The following ZNF423 variants were observed in gnomAD, a reference collection of about 807,000 sequenced individuals.
The protein encoded by ZNF423 is zinc finger protein 423.
In ZNF423, 12 loss-of-function variants were observed where a neutral mutation model predicts 95.8. The observed-to-expected ratio is 0.13, with a 90% CI of 0.08 to 0.20. The LOEUF (loss-of-function observed/expected upper bound fraction) is 0.20. Ranked by LOEUF, ZNF423 falls within the 10% of genes least tolerant of loss-of-function variation. The probability of loss-of-function intolerance (pLI) is 1.00; values close to 1 mark genes in which losing one functional copy is unlikely to be tolerated. For missense variants in ZNF423, 1,316 were observed against 1,737.1 expected, an observed-to-expected ratio of 0.76 and a Z score of 4.31; for synonymous variants, 749 against 711.9, an observed-to-expected ratio of 1.05 and a Z score of -0.83.
At chr16:49,685,634 C>T (rs1454069658) in intron 3 of ZNF423, among the ~76,000 whole-genome samples, 3 of 152,176 alleles carry the variant, frequency 2.0e-5, no homozygotes, top group Non-Finnish European at 4.4e-5. Flanking sequence ...TAATCCATTT[C>T]CACACCTTGT....
At chr16:49,525,039 G>A (rs968066742) in intron 6 of ZNF423, among the ~76,000 whole-genome samples, 4 of 152,204 alleles carry the variant, frequency 2.6e-5, no homozygotes, top group Admixed American at 6.5e-5. Context: ...CACAGGGCCC[G>A]GGAGGGGAAA....
intron 5 of ZNF423, among the ~76,000 whole-genome samples, chr16:49,557,210 G>A (rs1356086791): frequency 6.6e-6 from 1 of 152,232 alleles, no homozygotes; most frequent in South Asian, 2.1e-4. Flanking sequence ...CGCCGCCATC[G>A]GAGAGTATTC....
intron 3 of ZNF423, among the ~76,000 whole-genome samples, chr16:49,727,438 C>T (rs895264706): frequency 6.7e-6 from 1 of 150,264 alleles, no homozygotes; most frequent in Non-Finnish European, 1.5e-5. Context: ...AACCTCACCA[C>T]AGCACTGTCC....
chr16:49,695,044 C>T (rs1282470144), intron 3 of ZNF423, among the ~76,000 whole-genome samples: 1 of 152,238 alleles, frequency 6.6e-6, no homozygotes, highest in East Asian at 1.9e-4. Flanking sequence ...CTTCCCCTCC[C>T]TGGGCTTCCA....
chr16:49,682,084 C>G (rs549467408), intron 3 of ZNF423, among the ~76,000 whole-genome samples: 54 of 151,524 alleles, frequency 3.6e-4, no homozygotes, highest in South Asian at 2.7e-3. Flanking sequence ...GTCTCCTGTT[C>G]CTCCTCCCCT....
chr16:49,757,853 C>T (rs911223350), intron 2 of ZNF423, among the ~76,000 whole-genome samples: 3 of 152,278 alleles, frequency 2.0e-5, no homozygotes, highest in East Asian at 1.9e-4. Flanking sequence ...GAAAGAATGA[C>T]GCACAGGATC....
At chr16:49,697,690 G>A (rs577188794) in intron 3 of ZNF423, among the ~76,000 whole-genome samples, 8 of 152,352 alleles carry the variant, frequency 5.3e-5, no homozygotes, top group Non-Finnish European at 1.0e-4. Flanking sequence ...ACCCTGGACC[G>A]TGCAGTGGGA....
chr16:49,711,964 A>C (rs995485124), intron 3 of ZNF423: 4 of 151,858 alleles, frequency 2.6e-5, no homozygotes, highest in African/African-American at 9.7e-5. Context: ...ATAAATAAAT[A>C]ATTTAAAAAT....
At chr16:49,719,194 C>T (rs897322359) in intron 3 of ZNF423, among the ~76,000 whole-genome samples, 12 of 152,150 alleles carry the variant, frequency 7.9e-5, no homozygotes, top group African/African-American at 2.2e-4. Flanking sequence ...TTGCTTTTCC[C>T]GCCCAGGGGT....
chr16:49,523,802 T>C (rs1597047477), intron 6 of ZNF423, 63 bp from the exon 7 acceptor site: 1 of 1,376,302 alleles, frequency 7.3e-7, no homozygotes, highest in Non-Finnish European at 1.0e-6. Context: ...CTGTGGCAGC[T>C]GCCCCCACAA....
At chr16:49,749,697 G>A (rs902167988) in intron 2 of ZNF423, among the ~76,000 whole-genome samples, 2 of 147,460 alleles carry the variant, frequency 1.4e-5, no homozygotes, top group African/African-American at 4.9e-5. Context: ...CTCTTCCAGG[G>A]ATCGTTTTGA....
chr16:49,857,296 C>G (rs1280518294), upstream of ZNF423, among the ~76,000 whole-genome samples: 1 of 125,442 alleles, frequency 8.0e-6, no homozygotes, highest in African/African-American at 3.2e-5. The surrounding 1 kb of genome is among the most constrained non-coding windows in gnomAD (Gnocchi z 6.2). Flanking sequence ...CCGCAAAACC[C>G]GGACCGTGGT....
chr16:49,796,665 G>A (rs1204629325), intron 1 of ZNF423, among the ~76,000 whole-genome samples: 1 of 152,216 alleles, frequency 6.6e-6, no homozygotes, highest in Non-Finnish European at 1.5e-5. Context: ...ACAGAGGCTA[G>A]TGCTGGTCCA....
chr16:49,784,044 T>C (rs2034269466), intron 2 of ZNF423, among the ~76,000 whole-genome samples: 1 of 150,748 alleles, frequency 6.6e-6, no homozygotes, highest in Non-Finnish European at 1.5e-5. Flanking sequence ...TACTAGGAAG[T>C]TTAGAATTTA....
chr16:49,639,810 C>T (rs947199940), intron 3 of ZNF423, among the ~76,000 whole-genome samples: 5 of 152,218 alleles, frequency 3.3e-5, no homozygotes, highest in African/African-American at 1.2e-4. Flanking sequence ...CCACAACCCC[C>T]CTCGTTTGCT....
chr16:49,770,482 G>A (rs1294424764), intron 2 of ZNF423, among the ~76,000 whole-genome samples: 2 of 152,136 alleles, frequency 1.3e-5, no homozygotes, highest in Admixed American at 6.5e-5. Context: ...GGAAGGAGAC[G>A]AAGCCTATGA....
At position 49,488,574 on chromosome 16, in the gene ZNF423, C is replaced by G. The variant is rs550188205; in HGVS notation, c.*2701G>C. The G allele has an allele frequency of 3.9e-5, 6 of 152,284 alleles. No homozygotes were observed. In the South Asian group the frequency reaches 1.2e-3, roughly 32 times the overall value. 9.4% of individuals were successfully genotyped at this position (152,284 alleles called of 1,614,324 possible). A position where few individuals can be genotyped will look rare whatever the true frequency, so the allele number is the denominator to read the frequency against. On this transcript the variant is annotated 3_prime_UTR_variant, in exon 8 of 8. Transcript: ENST00000563137. ...TGAAAAGGTGCCCTCCTGCAGGATG[C>G]CTGGCACCATCATTGATGACCATGC...
intron 5 of ZNF423, among the ~76,000 whole-genome samples, chr16:49,598,632 G>A (rs1971258354): frequency 6.6e-6 from 1 of 152,240 alleles, no homozygotes; most frequent in African/African-American, 2.4e-5. Context: ...ACAGGAAACT[G>A]AGCAAGGGAG....
chr16:49,656,942 G>A (rs139105755), intron 3 of ZNF423, among the ~76,000 whole-genome samples: 3 of 152,324 alleles, frequency 2.0e-5, no homozygotes, highest in African/African-American at 4.8e-5. Flanking sequence ...GGCCTAGCAG[G>A]GCTTTGAACA....
Sources: gnomAD v4.1 joint callset for allele counts (sites outside exome capture counted in the v4.1 genomes callset) on GRCh38, gnomAD v4.1.1 for gene constraint, Gnocchi (gnomAD v3.1) non-coding constraint, MANE v1.5 for transcripts, NCBI Gene and HGNC (gene_info 2026-07-23, HGNC 2026-07-21) for gene names.